The following SIGLEC1 variants were observed in gnomAD, a reference collection of about 807,000 sequenced individuals.
SIGLEC1 encodes sialoadhesin.
In SIGLEC1, 132 loss-of-function variants were observed where a neutral mutation model predicts 148.0. That is an observed-to-expected ratio of 0.89 (90% confidence interval 0.77 to 1.03). SIGLEC1 has a LOEUF of 1.03. Among genes scored for constraint, SIGLEC1 ranks in the 50% least tolerant of loss-of-function variants. SIGLEC1 has a pLI of 0.00. For missense variants in SIGLEC1, 2,253 were observed against 2,271.4 expected, an observed-to-expected ratio of 0.99 and a Z score of 0.16; for synonymous variants, 945 against 969.0, an observed-to-expected ratio of 0.98 and a Z score of 0.46.
rs781653133 is a variant in SIGLEC1 at position 3,693,684 on chromosome 20, C to G, written c.3271G>C (p.Val1091Leu). 4.4e-6 allele frequency: 7 copies of G among 1,587,522 alleles called. No homozygotes were observed. The Admixed American group carries it at 1.2e-4, about 27-fold the overall frequency. The change falls in exon 14 of 22, where the codon GTG becomes CTG. Residue 1091 changes from valine (V) to leucine (L), a missense_variant. Coordinates refer to ENST00000344754, the MANE Select transcript of SIGLEC1 (RefSeq NM_023068.4). ...DFDAQAVNVQ[V>L]WPGATVREGQ... The stretch of plus-strand genomic sequence containing the variant: ...TCCCGCACGGTAGCCCCGGGCCACA[C>G]CTGCACATTCACAGCTGGGGAGAGG...
intron 18 of SIGLEC1, 69 bp from the exon 19 acceptor site, chr20:3,690,333 C>G (rs2088746182): frequency 6.1e-6 from 8 of 1,302,454 alleles, no homozygotes; most frequent in South Asian, 5.9e-5. Flanking sequence ...TGTACCCATG[C>G]ACAGTGACTT....
intron 4 of SIGLEC1, among the ~76,000 whole-genome samples, chr20:3,705,360 A>G (rs2146531193): frequency 6.6e-6 from 1 of 152,338 alleles, no homozygotes. Flanking sequence ...TCTTCGTCAT[A>G]GACTGAGAAA....
chr20:3,687,547 C>T lies in SIGLEC1; in HGVS notation c.*1013G>A, dbSNP rs2088711241. 6.6e-6 allele frequency: 1 copy of T among 152,260 alleles called. No individual in the cohort carries two copies. The highest frequency in any genetic ancestry group is 2.4e-5 in the African/African-American group (1 of 41,442). 9.4% of individuals were successfully genotyped at this position (152,260 alleles called of 1,614,324 possible). A position where few individuals can be genotyped will look rare whatever the true frequency, so the allele number is the denominator to read the frequency against. On this transcript the variant is annotated 3_prime_UTR_variant, in exon 22 of 22. Transcript: ENST00000344754. ...ACAAGGATGTCTGCTTAGGCAACTC[C>T]ACTGCCTGGCATGCTCTCTCCCTAG...
chr20:3,695,932 C>T (rs2088816139), intron 11 of SIGLEC1, among the ~76,000 whole-genome samples: 1 of 152,048 alleles, frequency 6.6e-6, no homozygotes, highest in South Asian at 2.1e-4. Context: ...CTGCCTTAGC[C>T]TCCCGAGTAA....
Position 3,694,460 on chromosome 20 carries a change from C to T in SIGLEC1, c.3017G>A (p.Arg1006His), listed in dbSNP as rs767258272. The change falls in exon 13 of 22, where the codon CGT (arginine) becomes CAT (histidine). Residue 1006 changes from arginine (R) to histidine (H), a missense_variant. Arg to His is a conservative substitution (Grantham distance 29). Coordinates refer to ENST00000344754, the MANE Select transcript of SIGLEC1 (RefSeq NM_023068.4). ...CTGGGCCGGAGGGTCACTGTCCACA[C>T]GGCACAGGAGGAGGCCCAGTCGTCC... is the stretch of plus-strand genomic sequence containing the variant. ...GPGRLGLLLC[R>H]VDSDPPAQLR... 3.6e-5 allele frequency: 58 copies of T among 1,606,680 alleles called. No homozygotes were observed. Among genetic ancestry groups the T allele is most frequent in the Middle Eastern group, 1.6e-4 (1 of 6,074 alleles).
chr20:3,696,141 A>ACACACACACACACACACACAC (rs371507046), intron 11 of SIGLEC1, among the ~76,000 whole-genome samples: 2 of 145,190 alleles, frequency 1.4e-5, no homozygotes, highest in African/African-American at 5.1e-5. Context: ...CACACACACA[A>ACACACACACACACACACACAC]ACACACACAC....
At chr20:3,702,795 T>G (rs2087862410) in intron 6 of SIGLEC1, among the ~76,000 whole-genome samples, 2 of 152,112 alleles carry the variant, frequency 1.3e-5, no homozygotes, top group Non-Finnish European at 2.9e-5. Context: ...CATGTCCACA[T>G]AGAGTGGATG....
In SIGLEC1 at chr20:3,692,987, G is replaced by A. The variant is rs1203717413; in HGVS notation, c.3653C>T (p.Ala1218Val). 6.2e-7 allele frequency: 1 copy of A among 1,612,328 alleles called. No individual in the cohort carries two copies. The highest frequency in any genetic ancestry group is 8.5e-7 in the Non-Finnish European group (1 of 1,179,834). Residue 1218 changes from alanine to valine, a missense_variant, in exon 15 of 22, where the codon GCC becomes GTC. Ala to Val is a moderately conservative substitution (Grantham distance 64). Coordinates refer to ENST00000344754, the MANE Select transcript of SIGLEC1 (RefSeq NM_023068.4). ...AGRLLASSTA[A>V]SVPNTLRLEL... ...CAGGCGCAGGGTGTTGGGGACAGAG[G>A]CTGCTGTCGAGGAGGCCAAGAGGCG...
chr20:3,703,357 G>C lies in SIGLEC1; in HGVS notation c.1068C>G (p.Leu356=), dbSNP rs763042917. 6.2e-7 allele frequency: 1 copy of C among 1,613,954 alleles called. No individual in the cohort carries two copies. The change falls in exon 6 of 22, where the codon CTC becomes CTG. Residue 356 remains leucine (L), a synonymous_variant. Coordinates refer to ENST00000344754, the MANE Select transcript of SIGLEC1 (RefSeq NM_023068.4). ...CATGGTTCTTGTACCAGCTGTAGCG[G>C]AGATCACTGGGTGCCTCATTGGGTG... The part of the protein sequence containing the change: ...CNTPNEAPSD[L]RYSWYKNHVL...
intron 5 of SIGLEC1, among the ~76,000 whole-genome samples, 163 bp downstream of exon 5, chr20:3,703,662 T>A (rs1186354769): frequency 6.6e-6 from 1 of 152,196 alleles, no homozygotes; most frequent in Non-Finnish European, 1.5e-5. Flanking sequence ...GGGGGTATTG[T>A]CACCTGTCTC....
At chr20:3,712,029 G>A (rs2087931445) in intron 1 of SIGLEC1, among the ~76,000 whole-genome samples, 1 of 152,026 alleles carries the variant, frequency 6.6e-6, no homozygotes, top group Non-Finnish European at 1.5e-5. Flanking sequence ...GGTTGGAGTT[G>A]GGTGCAGGTG....
rs2088745031 is a variant in SIGLEC1 at position 3,690,276 on chromosome 20, A to G, written c.4592-12T>C. 1 of 1,531,954 alleles carries G rather than the reference A, an allele frequency of 6.5e-7. No homozygotes were observed. Among genetic ancestry groups the G allele is most frequent in the Admixed American group, 2.0e-5 (1 of 50,434 alleles). 94.9% of individuals were successfully genotyped at this position (1,531,954 alleles called of 1,614,324 possible). On this transcript the variant is annotated splice_polypyrimidine_tract_variant and intron_variant, in intron 18 of 21. Coordinates refer to ENST00000344754, the MANE Select transcript of SIGLEC1 (RefSeq NM_023068.4). ...CGTCTTGGGAGGGTCTGTGGGGAGG[A>G]AGGGAGTGTGGTGATTGCAGACAAT...
intron 18 of SIGLEC1, among the ~76,000 whole-genome samples, chr20:3,690,828 T>C (rs1349505767): frequency 5.5e-5 from 7 of 126,614 alleles, no homozygotes; most frequent in East Asian, 2.2e-4. Flanking sequence ...TCTTTTCTTT[T>C]CTTTTTTTTT....
chr20:3,690,208 C>T lies in SIGLEC1; in HGVS notation c.4648G>A (p.Gly1550Ser), dbSNP rs1166731990. 21 of 1,557,728 alleles carry T rather than the reference C, an allele frequency of 1.3e-5. No homozygotes were observed. The highest frequency in any genetic ancestry group is 1.7e-5 in the Non-Finnish European group (20 of 1,151,368). The change falls in exon 19 of 22, where the codon GGC becomes AGC. Residue 1550 changes from glycine (G) to serine (S), a missense_variant. By Grantham distance (56) the Gly-to-Ser change is moderately conservative. Coordinates refer to ENST00000344754, the MANE Select transcript of SIGLEC1 (RefSeq NM_023068.4). ...CTGTCCACTCGGCAATCCAGGATGC[C>T]CCGGAGGCCACCCTCAGGCTCCACG... Reference protein sequence around the residue: ...VFVEPEGGLRGILDCRVDSEP... With the variant: ...VFVEPEGGLRSILDCRVDSEP...
In SIGLEC1 at chr20:3,706,611, C is replaced by A; in HGVS notation, c.145G>T (p.Val49Leu). 6.2e-7 allele frequency: 1 copy of A among 1,605,636 alleles called. No homozygotes were observed. ...GCCGTGATGCCGTCGGGCACCTCCA[C>A]GTCGGCAGGGAAGCTGAAGATGCAG... ...IPCIFSFPADVEVPDGITAIW... is the reference protein window; with the variant it reads ...IPCIFSFPADLEVPDGITAIW... Residue 49 changes from valine (V) to leucine (L), a missense_variant, in exon 3 of 22, where the codon GTG becomes TTG. Val to Leu is a conservative substitution (Grantham distance 32). Transcript: ENST00000344754.
At position 3,710,715 on chromosome 20, in the gene SIGLEC1, C is replaced by T. The variant is rs995696423; in HGVS notation, c.-110+1755G>A. Among the ~76,000 whole-genome samples the T allele has an allele frequency of 6.6e-6, 1 of 152,196 alleles. No individual in the cohort carries two copies. The highest frequency in any genetic ancestry group is 2.4e-5 in the African/African-American group (1 of 41,456). On this transcript the variant is annotated intron_variant, in intron 1 of 21. Coordinates refer to ENST00000344754, the MANE Select transcript of SIGLEC1 (RefSeq NM_023068.4). This position sits in a 1 kb window ranked among gnomAD's most constrained non-coding sequence, Gnocchi z 4.6. ...CTCCCATTTGGGGTCCTGAAAAGGG[C>T]AATCGTGAACCTGATGGAAGAATGG...
chr20:3,687,299 T>C lies in SIGLEC1; in HGVS notation c.*1261A>G, dbSNP rs2088709171. 6.6e-6 allele frequency: 1 copy of C among 152,256 alleles called. No homozygotes were observed. The highest frequency in any genetic ancestry group is 1.5e-5 in the Non-Finnish European group (1 of 68,058). The allele number at this position is 152,256 out of a possible 1,614,324, so 9.4% of individuals were successfully genotyped here. ...GCAGGGGCACGTCATTCCTTCTTGG[T>C]AACTCATTCTCTTTAACAGCCCGAC... On this transcript the variant is annotated 3_prime_UTR_variant, in exon 22 of 22. Coordinates refer to ENST00000344754, the MANE Select transcript of SIGLEC1 (RefSeq NM_023068.4).
chr20:3,690,158 G>T lies in SIGLEC1; in HGVS notation c.4698C>A (p.Leu1566=). ...AGGCCACCAGTCGACTGCCAAGGTG[G>T]AGAGTCAGGCTGGCGAGCGGCTCGC... The part of the protein sequence containing the change: ...VDSEPLASLT[L]HLGSRLVASS... Residue 1566 remains leucine, a synonymous_variant, in exon 19 of 22, where the codon CTC becomes CTA. Transcript: ENST00000344754. 1 of 1,598,394 alleles carries T rather than the reference G, an allele frequency of 6.3e-7. No individual in the cohort carries two copies. The highest frequency in any genetic ancestry group is 1.1e-5 in the South Asian group (1 of 88,438).
Position 3,692,885 on chromosome 20 carries a change from G to C in SIGLEC1, c.3755C>G (p.Thr1252Arg), listed in dbSNP as rs746684575. The change falls in exon 15 of 22, where the codon ACG becomes AGG. Residue 1252 changes from threonine (T) to arginine (R), a missense_variant. Thr to Arg is a moderately conservative substitution (Grantham distance 71). Transcript: ENST00000344754. ...ACCCTCCAGCCGCAGCTCCAGGGAC[G>C]TGTTGGCCTGGCCCAGAGGGCTGCG... ...SARSPLGQANTSLELRLEGVR... is the reference protein window; with the variant it reads ...SARSPLGQANRSLELRLEGVR... The C allele has an allele frequency of 3.7e-6, 6 of 1,611,198 alleles. No homozygotes were observed. The highest frequency in any genetic ancestry group is 5.1e-6 in the Non-Finnish European group (6 of 1,179,550).
Sources: gnomAD v4.1 joint callset for allele counts (sites outside exome capture counted in the v4.1 genomes callset) on GRCh38, gnomAD v4.1.1 for gene constraint, Gnocchi (gnomAD v3.1) non-coding constraint, MANE v1.5 for transcripts, NCBI Gene and HGNC (gene_info 2026-07-23, HGNC 2026-07-21) for gene names.